Variants in SAMD12 observed in about 807,000 individuals in gnomAD.
The protein encoded by SAMD12 is sterile alpha motif domain-containing protein 12.
Under a neutral mutation model 15.0 loss-of-function variants are expected in SAMD12, and 9 were observed. The observed-to-expected ratio is 0.60, with a 90% CI of 0.36 to 1.05. SAMD12 has a LOEUF of 1.05. SAMD12 is among the 50% of genes least tolerant of loss of function. SAMD12 has a pLI of 0.01. For synonymous variants in SAMD12, 86 were observed against 90.1 expected, an observed-to-expected ratio of 0.96 and a Z score of 0.25; for missense variants, 230 against 234.2, an observed-to-expected ratio of 0.98 and a Z score of 0.12.
At chr8:118,427,698 G>C (rs1041868714) in intron 3 of SAMD12, among the ~76,000 whole-genome samples, 2 of 152,116 alleles carry the variant, frequency 1.3e-5, no homozygotes, top group African/African-American at 4.8e-5. Flanking sequence ...CTGATATAAG[G>C]GTTGTTTAGA....
chr8:118,193,695 A>G (rs1819473270), exon 5 of SAMD12: 1 of 152,198 alleles, frequency 6.6e-6, no homozygotes, highest in South Asian at 2.1e-4. Flanking sequence ...TAACAAATAC[A>G]CTTTTTGTTG....
chr8:118,459,350 GCCA>G (rs1823350093), intron 2 of SAMD12, among the ~76,000 whole-genome samples: 2 of 152,216 alleles, frequency 1.3e-5, no homozygotes, highest in South Asian at 2.1e-4. Flanking sequence ...ACAGATGTGA[GCCA>G]CCACACCTGG....
chr8:118,346,962 G>A (rs1817694505), intron 4 of SAMD12, among the ~76,000 whole-genome samples: 1 of 152,182 alleles, frequency 6.6e-6, no homozygotes, highest in African/African-American at 2.4e-5. Context: ...AGAGTACAGT[G>A]GTGCAGTTAC....
At chr8:118,547,287 C>T (rs781118986) in intron 2 of SAMD12, among the ~76,000 whole-genome samples, 10 of 152,172 alleles carry the variant, frequency 6.6e-5, no homozygotes, top group Non-Finnish European at 1.2e-4. Context: ...TTCCCTGCAC[C>T]TGAATGTCCA....
chr8:118,620,338 T>A lies in SAMD12; in HGVS notation c.13+1466A>T, dbSNP rs1475482310. ...CTTGGTCTCAAGCTCAAGATGAACT[T>A]TATCTCGGCTTTTGTTTTGTTCTTT... On this transcript the variant is annotated intron_variant, in intron 1 of 3. Coordinates refer to ENST00000314727, the MANE Select transcript of SAMD12 (RefSeq NM_207506.3). Among the ~76,000 whole-genome samples the A allele has an allele frequency of 5.8e-5, 8 of 137,958 alleles. No individual in the cohort carries two copies. The Admixed American group carries it at 6.7e-4, about 12-fold the overall frequency. 90.5% of individuals were successfully genotyped at this position (137,958 alleles called of 152,430 possible).
At chr8:118,168,484 G>T in the SAMD12 span, among the ~76,000 whole-genome samples, 13 of 152,172 alleles carry the variant, frequency 8.5e-5, no homozygotes, top group Non-Finnish European at 1.6e-4. Context: ...ACCAATATGA[G>T]AGTGCTGACA....
At chr8:118,207,602 T>G (rs1041641921) in intron 4 of SAMD12, among the ~76,000 whole-genome samples, 3 of 152,156 alleles carry the variant, frequency 2.0e-5, no homozygotes, top group Non-Finnish European at 2.9e-5. Flanking sequence ...TTCTAATTTC[T>G]CTCATTGCTT....
chr8:118,163,993 C>A, the SAMD12 span, among the ~76,000 whole-genome samples: 1 of 152,286 alleles, frequency 6.6e-6, no homozygotes, highest in East Asian at 1.9e-4. Flanking sequence ...TCGGTAGGAA[C>A]GAGGTTTCTC....
intron 4 of SAMD12, among the ~76,000 whole-genome samples, chr8:118,201,483 A>G (rs1272345541): frequency 1.3e-5 from 2 of 152,212 alleles, no homozygotes; most frequent in African/African-American, 4.8e-5. Context: ...GAACACTTCA[A>G]TTTAATGTAT....
At chr8:118,248,519 C>G (rs1812747432) in intron 4 of SAMD12, among the ~76,000 whole-genome samples, 1 of 152,052 alleles carries the variant, frequency 6.6e-6, no homozygotes, top group Non-Finnish European at 1.5e-5. Flanking sequence ...TGATGTCTGC[C>G]ATGGGCACAG....
intron 2 of SAMD12, among the ~76,000 whole-genome samples, chr8:118,507,351 T>C (rs1213304476): frequency 6.6e-6 from 1 of 152,110 alleles, no homozygotes; most frequent in Non-Finnish European, 1.5e-5. Context: ...TGTATATATG[T>C]CCCATATTAA....
At chr8:118,212,862 G>C (rs1811867768) in intron 4 of SAMD12, among the ~76,000 whole-genome samples, 1 of 152,122 alleles carries the variant, frequency 6.6e-6, no homozygotes, top group Non-Finnish European at 1.5e-5. Context: ...ATTGTAAAAG[G>C]TACAATTCAG....
intron 4 of SAMD12, chr8:118,282,312 C>G (rs1307593203): frequency 2.2e-6 from 1 of 456,030 alleles, no homozygotes; most frequent in Middle Eastern, 3.2e-4. Context: ...GCCATTTTGC[C>G]AAGGACATGG....
intron 1 of SAMD12, among the ~76,000 whole-genome samples, chr8:118,601,527 T>C (rs1827866633): frequency 6.6e-6 from 1 of 152,204 alleles, no homozygotes. Flanking sequence ...AAACTTAACG[T>C]GGCTGGCAGA....
intron 2 of SAMD12, among the ~76,000 whole-genome samples, chr8:118,480,356 C>T (rs1824091220): frequency 6.6e-6 from 1 of 152,212 alleles, no homozygotes; most frequent in South Asian, 2.1e-4. Flanking sequence ...GTATCCTGTA[C>T]TACCATATCT....
intron 4 of SAMD12, among the ~76,000 whole-genome samples, chr8:118,228,388 CA>C (rs2129906656): frequency 6.6e-6 from 1 of 152,210 alleles, no homozygotes; most frequent in Admixed American, 6.5e-5. Context: ...ATACATCTGA[CA>C]AAGGACTAAT....
chr8:118,374,014 A>G (rs1254051183), downstream of SAMD12, among the ~76,000 whole-genome samples: 1 of 152,098 alleles, frequency 6.6e-6, no homozygotes, highest in Non-Finnish European at 1.5e-5. Flanking sequence ...AAAACCACAT[A>G]GTACTAAATC....
At chr8:118,151,088 C>T in the SAMD12 span, among the ~76,000 whole-genome samples, 3 of 151,960 alleles carry the variant, frequency 2.0e-5, no homozygotes, top group Non-Finnish European at 4.4e-5. Flanking sequence ...CTTACAGTAT[C>T]TTAAAACGTT....
intron 1 of SAMD12, among the ~76,000 whole-genome samples, chr8:118,616,168 T>C (rs1020795353): frequency 1.3e-5 from 2 of 152,228 alleles, no homozygotes; most frequent in African/African-American, 2.4e-5. Context: ...ACAATGAAGC[T>C]GCTGCAGGGA....
Sources: gnomAD v4.1 joint callset for allele counts (sites outside exome capture counted in the v4.1 genomes callset) on GRCh38, gnomAD v4.1.1 for gene constraint, MANE v1.5 for transcripts, NCBI Gene and HGNC (gene_info 2026-07-23, HGNC 2026-07-21) for gene names.